SHB: variants seen among roughly 807,000 people sequenced by gnomAD.
SHB encodes SH2 domain-containing adapter protein B.
In SHB, 20 loss-of-function variants were observed where a neutral mutation model predicts 52.3. That is an observed-to-expected ratio of 0.38 (90% CI 0.27 to 0.56). The LOEUF (loss-of-function observed/expected upper bound fraction) is 0.56. Ranked by LOEUF, SHB falls within the 20% of genes least tolerant of loss-of-function variation. The pLI, the probability that SHB is intolerant of heterozygous loss-of-function variation, is 0.71. For missense variants in SHB, 825 were observed against 723.3 expected (o/e 1.14, Z -1.61); for synonymous variants, 397 against 316.5 (o/e 1.25, Z -2.70).
At chr9:37,932,036 C>T (rs1832316928) in intron 5 of SHB, among the ~76,000 whole-genome samples, 2 of 152,066 alleles carry the variant, frequency 1.3e-5, no homozygotes, top group Admixed American at 6.5e-5. Flanking sequence ...AGTCCCAGCA[C>T]TTTGGGAGGC....
chr9:38,056,492 C>T (rs765937722), intron 1 of SHB, among the ~76,000 whole-genome samples: 2 of 152,172 alleles, frequency 1.3e-5, no homozygotes, highest in Non-Finnish European at 2.9e-5. Context: ...CCACCACACA[C>T]AGGTAATTTT....
At chr9:37,992,151 A>G (rs1295279581) in intron 2 of SHB, among the ~76,000 whole-genome samples, 1 of 152,248 alleles carries the variant, frequency 6.6e-6, no homozygotes, top group African/African-American at 2.4e-5. Flanking sequence ...CTGTAATCCC[A>G]GCACTTTGAG....
At chr9:38,012,690 C>A (rs534421265) in intron 2 of SHB, among the ~76,000 whole-genome samples, 1 of 151,840 alleles carries the variant, frequency 6.6e-6, no homozygotes, top group Admixed American at 6.6e-5. Flanking sequence ...CATCCCATAT[C>A]TGCTTGACTC....
chr9:37,933,126 G>A (rs1832332526), intron 5 of SHB, among the ~76,000 whole-genome samples: 1 of 152,176 alleles, frequency 6.6e-6, no homozygotes, highest in Non-Finnish European at 1.5e-5. Context: ...CGGGTTGACT[G>A]GGAACCACCC....
intron 1 of SHB, among the ~76,000 whole-genome samples, chr9:38,049,799 CTTT>C (rs901763706): frequency 2.9e-5 from 4 of 137,786 alleles, no homozygotes; most frequent in African/African-American, 5.3e-5. Context: ...ACCATGGGTA[CTTT>C]TTTTTTTTTT....
At chr9:37,942,233 C>A (rs1011960102) in intron 5 of SHB, among the ~76,000 whole-genome samples, 1 of 152,226 alleles carries the variant, frequency 6.6e-6, no homozygotes, top group African/African-American at 2.4e-5. Context: ...ACAAACCCGG[C>A]TGCTCTAAGC....
chr9:38,049,618 A>G (rs1821710070), intron 1 of SHB, among the ~76,000 whole-genome samples: 1 of 149,412 alleles, frequency 6.7e-6, no homozygotes, highest in Non-Finnish European at 1.5e-5. Context: ...AAAAAAACAA[A>G]CAAACAAAAA....
intron 1 of SHB, among the ~76,000 whole-genome samples, chr9:38,053,580 G>A (rs1821779267): frequency 6.6e-6 from 1 of 152,090 alleles, no homozygotes; most frequent in Admixed American, 6.5e-5. Context: ...GGGGTGTTGT[G>A]GGAATCAGTG....
At chr9:37,978,916 C>T (rs1820688404) in intron 2 of SHB, among the ~76,000 whole-genome samples, 1 of 152,228 alleles carries the variant, frequency 6.6e-6, no homozygotes, top group Admixed American at 6.5e-5. Context: ...GCAGGCTGGG[C>T]TTCCAGGAGC....
chr9:37,991,942 A>G (rs1820887335), intron 2 of SHB, among the ~76,000 whole-genome samples: 1 of 152,216 alleles, frequency 6.6e-6, no homozygotes, highest in Admixed American at 6.5e-5. Flanking sequence ...ACAGATTAAC[A>G]TGGGGTCCCA....
intron 3 of SHB, among the ~76,000 whole-genome samples, chr9:37,973,314 C>T (rs1410065085): frequency 6.6e-6 from 1 of 152,204 alleles, no homozygotes; most frequent in African/African-American, 2.4e-5. Flanking sequence ...ACCTCCACCT[C>T]CCAGGTTCAA....
chr9:37,986,456 T>C (rs970875999), intron 2 of SHB, among the ~76,000 whole-genome samples: 2 of 152,030 alleles, frequency 1.3e-5, no homozygotes, highest in African/African-American at 4.8e-5. Context: ...GTGCAGCCAC[T>C]AAAGGCAAGA....
rs772468739 is a variant in SHB at position 38,016,136 on chromosome 9, A to G, written c.718-5T>C. ...GTAGTCATCGGCTATGGTCACCTGCAGGGAGGAAGATGGCAGGTGTGAGTC... is the reference window on the plus strand; with the variant it reads ...GTAGTCATCGGCTATGGTCACCTGCGGGGAGGAAGATGGCAGGTGTGAGTC... On this transcript the variant is annotated splice_polypyrimidine_tract_variant and splice_region_variant and intron_variant, in intron 1 of 5. Coordinates refer to ENST00000377707, the MANE Select transcript of SHB (RefSeq NM_003028.3). The G allele has an allele frequency of 4.3e-6, 7 of 1,613,936 alleles. No individual in the cohort carries two copies. The South Asian group carries it at 7.7e-5, about 18-fold the overall frequency.
intron 1 of SHB, among the ~76,000 whole-genome samples, chr9:38,020,036 T>C (rs1439959653): frequency 1.3e-5 from 2 of 152,154 alleles, no homozygotes; most frequent in Non-Finnish European, 2.9e-5. Flanking sequence ...AACCTGTATC[T>C]CTATTAAGTT....
chr9:38,055,068 A>C (rs1221670169), intron 1 of SHB, among the ~76,000 whole-genome samples: 2 of 152,212 alleles, frequency 1.3e-5, no homozygotes. Flanking sequence ...TTAATCTGGG[A>C]TGGGAGCCTA....
intron 3 of SHB, among the ~76,000 whole-genome samples, chr9:37,968,205 T>C (rs927830947): frequency 6.6e-6 from 1 of 152,266 alleles, no homozygotes; most frequent in Non-Finnish European, 1.5e-5. Flanking sequence ...CTTTAGGGCT[T>C]ACCATGTCTT....
chr9:38,053,341 A>G (rs1821776211), intron 1 of SHB, among the ~76,000 whole-genome samples: 1 of 151,902 alleles, frequency 6.6e-6, no homozygotes, highest in Admixed American at 6.6e-5. Flanking sequence ...GGGTTCAAGC[A>G]ATTCTCCTGC....
intron 2 of SHB, among the ~76,000 whole-genome samples, chr9:38,001,746 T>TTC (rs2118041850): frequency 6.6e-6 from 1 of 152,342 alleles, no homozygotes; most frequent in South Asian, 2.1e-4. Flanking sequence ...GGAGGCCACA[T>TTC]CCTTGCTGGC....
intron 1 of SHB, among the ~76,000 whole-genome samples, chr9:38,026,287 T>C (rs1821341549): frequency 6.6e-6 from 1 of 152,236 alleles, no homozygotes; most frequent in South Asian, 2.1e-4. Context: ...GTGTGCTTCC[T>C]GTGCTAGAAG....
Sources: allele counts gnomAD v4.1 joint callset (sites outside exome capture counted in the v4.1 genomes callset), GRCh38; gene constraint gnomAD v4.1.1; transcripts MANE v1.5; gene names NCBI Gene and HGNC (gene_info 2026-07-23, HGNC 2026-07-21).